Variants in NR3C2 observed in about 807,000 individuals in gnomAD.
NR3C2 encodes the protein mineralocorticoid receptor.
In NR3C2, 15 loss-of-function variants were observed where a neutral mutation model predicts 86.4. The ratio of observed to expected loss-of-function variants is 0.17; its 90% CI spans 0.12 to 0.27. The LOEUF is 0.27. Among genes scored for constraint, NR3C2 ranks in the 10% least tolerant of loss-of-function variants. The probability of loss-of-function intolerance (pLI) is 1.00; values close to 1 mark genes in which losing one functional copy is unlikely to be tolerated. For missense variants in NR3C2, 960 were observed against 1,195.6 expected, an observed-to-expected ratio of 0.80 and a Z score of 2.91; for synonymous variants, 458 against 450.5, an observed-to-expected ratio of 1.02 and a Z score of -0.21.
In NR3C2 at chr4:148,436,779, G is replaced by T. The variant is rs576737645; in HGVS notation, c.82C>A (p.Arg28Ser). 3.1e-6 allele frequency: 5 copies of T among 1,613,712 alleles called. No homozygotes were observed. The African/African-American group carries it at 6.7e-5, about 22-fold the overall frequency. ...RWGQVSQAVE[R>S]SSLGPTERTD... ...CTCTCTGTAGGTCCCAGGGAAGAAC[G>T]CTCCACAGCCTGAGAAACTTGACCC... is the stretch of plus-strand genomic sequence containing the variant. Residue 28 changes from arginine (R) to serine (S), a missense_variant, in exon 2 of 9, where the codon CGT becomes AGT. Coordinates refer to ENST00000358102, the MANE Select transcript of NR3C2 (RefSeq NM_000901.5).
intron 2 of NR3C2, among the ~76,000 whole-genome samples, chr4:148,365,971 A>C (rs1561066426): frequency 6.6e-6 from 1 of 152,182 alleles, no homozygotes; most frequent in Non-Finnish European, 1.5e-5. Context: ...AATGTATAAC[A>C]AAAGTTATCC....
intron 2 of NR3C2, among the ~76,000 whole-genome samples, chr4:148,395,657 C>CGT (rs1377438713): frequency 2.0e-5 from 3 of 152,136 alleles, no homozygotes; most frequent in Non-Finnish European, 2.9e-5. Flanking sequence ...AATATTGAAC[C>CGT]ATACTCAATG....
At chr4:148,265,722 T>C (rs924293258) in intron 2 of NR3C2, among the ~76,000 whole-genome samples, 1 of 152,236 alleles carries the variant, frequency 6.6e-6, no homozygotes, top group Non-Finnish European at 1.5e-5. Flanking sequence ...CAAACATTCA[T>C]TCACCTATCT....
At chr4:148,123,712 C>T (rs559869276) in intron 6 of NR3C2, among the ~76,000 whole-genome samples, 4 of 152,296 alleles carry the variant, frequency 2.6e-5, no homozygotes, top group Admixed American at 2.0e-4. Context: ...CGGGTTCCCC[C>T]GATATCCCCT....
At chr4:148,101,811 A>C (rs951931366) in intron 8 of NR3C2, among the ~76,000 whole-genome samples, 1 of 152,216 alleles carries the variant, frequency 6.6e-6, no homozygotes. Flanking sequence ...CATTTAACAG[A>C]AAGAGCCATC....
intron 6 of NR3C2, chr4:148,146,460 A>G (rs1733874616): frequency 6.6e-6 from 1 of 152,518 alleles, no homozygotes. Context: ...GCACTGTGAC[A>G]TTGGCAGGAT....
chr4:148,233,237 A>G (rs748779238), intron 3 of NR3C2, among the ~76,000 whole-genome samples: 15 of 152,162 alleles, frequency 9.9e-5, no homozygotes, highest in Non-Finnish European at 1.5e-4. Context: ...CTTTCAGCCT[A>G]TCTCAGCTTT....
At chr4:148,182,351 A>C (rs924390816) in intron 4 of NR3C2, among the ~76,000 whole-genome samples, 1 of 152,220 alleles carries the variant, frequency 6.6e-6, no homozygotes, top group East Asian at 1.9e-4. Context: ...TCATAAAAGA[A>C]AAAAAATTAC....
intron 2 of NR3C2, among the ~76,000 whole-genome samples, chr4:148,358,299 T>G (rs993074558): frequency 2.0e-5 from 3 of 151,944 alleles, no homozygotes; most frequent in East Asian, 1.9e-4. Context: ...CCATAAAAAA[T>G]GATGAGTTCA....
intron 8 of NR3C2, among the ~76,000 whole-genome samples, chr4:148,113,574 A>G (rs1209101418): frequency 1.3e-5 from 2 of 152,146 alleles, no homozygotes; most frequent in African/African-American, 2.4e-5. Flanking sequence ...CAGATGATTT[A>G]CTCTGATTCT....
chr4:148,197,700 G>A (rs569700725), intron 3 of NR3C2, among the ~76,000 whole-genome samples: 7 of 152,126 alleles, frequency 4.6e-5, no homozygotes, highest in African/African-American at 7.2e-5. Flanking sequence ...ATTTTCTCCC[G>A]AAAACAATAT....
chr4:148,347,569 T>C (rs1403296837), intron 2 of NR3C2, among the ~76,000 whole-genome samples: 1 of 152,128 alleles, frequency 6.6e-6, no homozygotes, highest in African/African-American at 2.4e-5. Flanking sequence ...ATAAAATCAG[T>C]GTTCTCTCAA....
intron 6 of NR3C2, among the ~76,000 whole-genome samples, chr4:148,126,734 T>C (rs763305569): frequency 2.0e-5 from 3 of 152,246 alleles, no homozygotes; most frequent in Non-Finnish European, 4.4e-5. Context: ...TTTTAACTCT[T>C]TGTGAGGTAT....
intron 3 of NR3C2, among the ~76,000 whole-genome samples, chr4:148,195,558 A>G (rs947247085): frequency 2.6e-5 from 4 of 152,240 alleles, no homozygotes; most frequent in Admixed American, 2.6e-4. Context: ...GAGACATAAT[A>G]GACAAGGTAA....
chr4:148,122,891 T>A (rs903632479), intron 6 of NR3C2, among the ~76,000 whole-genome samples: 1 of 152,254 alleles, frequency 6.6e-6, no homozygotes, highest in Non-Finnish European at 1.5e-5. Context: ...ATGAAATCAG[T>A]GCACCTTGAA....
chr4:148,380,735 T>C (rs1746934548), intron 2 of NR3C2, among the ~76,000 whole-genome samples: 2 of 152,210 alleles, frequency 1.3e-5, no homozygotes, highest in African/African-American at 4.8e-5. Flanking sequence ...GAAGCATAGT[T>C]CTTCTGTATA....
intron 2 of NR3C2, among the ~76,000 whole-genome samples, chr4:148,395,982 A>C (rs1186223490): frequency 1.3e-5 from 2 of 152,262 alleles, no homozygotes; most frequent in Non-Finnish European, 2.9e-5. Context: ...GCATTCCACT[A>C]TGCTTACAAA....
chr4:148,283,900 G>T (rs1741380442), intron 2 of NR3C2, among the ~76,000 whole-genome samples: 2 of 152,142 alleles, frequency 1.3e-5, no homozygotes, highest in African/African-American at 4.8e-5. Context: ...TAACACACAG[G>T]AGACAACTGA....
intron 7 of NR3C2, among the ~76,000 whole-genome samples, chr4:148,117,827 T>C (rs1178502001): frequency 6.6e-6 from 1 of 152,190 alleles, no homozygotes; most frequent in Non-Finnish European, 1.5e-5. Flanking sequence ...CAAATGACTT[T>C]ACTGATCACT....
Sources: allele counts gnomAD v4.1 joint callset (sites outside exome capture counted in the v4.1 genomes callset), GRCh38; gene constraint gnomAD v4.1.1; transcripts MANE v1.5; gene names NCBI Gene and HGNC (gene_info 2026-07-23, HGNC 2026-07-21).